The following HACE1 variants were observed in gnomAD, a reference collection of about 807,000 sequenced individuals.
HACE1 encodes HECT domain and ankyrin repeat containing E3 ubiquitin protein ligase 1.
In HACE1, 73 loss-of-function variants were observed where a neutral mutation model predicts 118.4. That is an observed-to-expected ratio of 0.62 (90% CI 0.51 to 0.75). HACE1 has a LOEUF of 0.75. Ranked by LOEUF, HACE1 falls within the 30% of genes least tolerant of loss-of-function variation. HACE1 has a pLI of 0.00. For missense variants in HACE1, 749 were observed against 1,102.2 expected, an observed-to-expected ratio of 0.68 and a Z score of 4.54; for synonymous variants, 368 against 374.8, an observed-to-expected ratio of 0.98 and a Z score of 0.21.
At position 104,739,127 on chromosome 6, in the gene HACE1, T is replaced by C. The variant is rs562491756; in HGVS notation, c.2513+5033A>G. 5.3e-4 allele frequency among the ~76,000 whole-genome samples: 81 copies of C among 152,110 alleles called. 1 individual carries two copies. Among genetic ancestry groups the C allele is most frequent in the Middle Eastern group, 6.8e-3 (2 of 294 alleles). On this transcript the variant is annotated intron_variant, in intron 22 of 23. Transcript: ENST00000262903. Reference sequence around the variant, plus strand: ...ACAGACAAGCAAATGCTGAGAGATTTTGTCACCACCAGGCCTGCCCTAAAA... The same window carrying C: ...ACAGACAAGCAAATGCTGAGAGATTCTGTCACCACCAGGCCTGCCCTAAAA...
intron 22 of HACE1, among the ~76,000 whole-genome samples, chr6:104,738,408 T>A (rs1345225770): frequency 6.8e-6 from 1 of 147,468 alleles, no homozygotes; most frequent in Non-Finnish European, 1.5e-5. Flanking sequence ...GCAAAGAAGT[T>A]GAAAACTTTG....
At chr6:104,741,965 A>C (rs1411912945) in intron 22 of HACE1, among the ~76,000 whole-genome samples, 1 of 151,774 alleles carries the variant, frequency 6.6e-6, no homozygotes, top group African/African-American at 2.4e-5. Context: ...AAACAGAAAT[A>C]TAGATCAATG....
chr6:104,858,383 A>G, intron 1 of HACE1: 1 of 238,880 alleles, frequency 4.2e-6, no homozygotes, highest in Non-Finnish European at 8.6e-6. Context: ...TTCTAAATAG[A>G]GACTAGAGAC....
chr6:104,835,278 G>A (rs554127806), intron 5 of HACE1, among the ~76,000 whole-genome samples: 3 of 152,020 alleles, frequency 2.0e-5, no homozygotes, highest in Non-Finnish European at 2.9e-5. Context: ...TCTGATAAAC[G>A]CATCTAATTT....
chr6:104,824,491 T>C (rs1773105744), intron 6 of HACE1, among the ~76,000 whole-genome samples: 1 of 152,136 alleles, frequency 6.6e-6, no homozygotes, highest in South Asian at 2.1e-4. Flanking sequence ...AAAACTTAGA[T>C]AGATGAAAAT....
chr6:104,746,497 G>A (rs930553441), intron 20 of HACE1, among the ~76,000 whole-genome samples: 1 of 152,182 alleles, frequency 6.6e-6, no homozygotes, highest in Non-Finnish European at 1.5e-5. Flanking sequence ...GGTACTCTCT[G>A]CTCCCCCACT....
At chr6:104,743,570 CT>C (rs1359745807) in intron 22 of HACE1, among the ~76,000 whole-genome samples, 2 of 151,722 alleles carry the variant, frequency 1.3e-5, no homozygotes, top group Non-Finnish European at 1.5e-5. Context: ...GAAAATCAGA[CT>C]TTTTTTACAT....
At chr6:104,769,440 A>G (rs1008921137) in intron 19 of HACE1, among the ~76,000 whole-genome samples, 27 of 152,184 alleles carry the variant, frequency 1.8e-4, no homozygotes, top group African/African-American at 4.6e-4. Flanking sequence ...CTTAATAAAG[A>G]TTCTATGACT....
rs1158292972 is a variant in HACE1 at position 104,728,497 on chromosome 6, A to C, written c.*1165T>G. The C allele has an allele frequency of 1.3e-5, 2 of 152,208 alleles. No individual in the cohort carries two copies. The highest frequency in any genetic ancestry group is 4.8e-5 in the African/African-American group (2 of 41,450). 9.4% of individuals were successfully genotyped at this position (152,208 alleles called of 1,614,324 possible). On this transcript the variant is annotated 3_prime_UTR_variant, in exon 24 of 24. Coordinates refer to ENST00000262903, the MANE Select transcript of HACE1 (RefSeq NM_020771.4). Reference sequence around the variant, plus strand: ...GCTTTATAATTTAGCAAAACTTTCAACTTACATGTCTCTCAAACATTACTG... The same window carrying C: ...GCTTTATAATTTAGCAAAACTTTCACCTTACATGTCTCTCAAACATTACTG...
intron 7 of HACE1, among the ~76,000 whole-genome samples, chr6:104,802,700 G>C (rs1770517753): frequency 6.6e-6 from 1 of 152,296 alleles, no homozygotes; most frequent in Non-Finnish European, 1.5e-5. Context: ...GAATCTCTGG[G>C]ACACATTTAA....
At chr6:104,784,360 A>T (rs374386813) in intron 13 of HACE1, 57 bp downstream of exon 13, 80 of 1,160,644 alleles carry the variant, frequency 6.9e-5, no homozygotes, top group Non-Finnish European at 9.7e-5. Context: ...TTTAGATGAA[A>T]CTGTAAGTAA....
At chr6:104,797,186 T>TTTTGAGTGA (rs1769750458) in intron 7 of HACE1, among the ~76,000 whole-genome samples, 161 bp from the exon 8 acceptor site, 1 of 152,202 alleles carries the variant, frequency 6.6e-6, no homozygotes, top group South Asian at 2.1e-4. Context: ...TTCTCAATGT[T>TTTTGAGTGA]AAGCCATGCT....
At chr6:104,737,503 T>C (rs1366034777) in intron 22 of HACE1, among the ~76,000 whole-genome samples, 3 of 152,068 alleles carry the variant, frequency 2.0e-5, no homozygotes, top group Non-Finnish European at 2.9e-5. Context: ...GGGCGAGGCA[T>C]TGCCTCACTT....
intron 12 of HACE1, 76 bp from the exon 13 acceptor site, chr6:104,784,561 A>C (rs748212749): frequency 1.1e-6 from 1 of 940,510 alleles, no homozygotes; most frequent in Non-Finnish European, 1.7e-6. Context: ...ATAAATATAT[A>C]CTGAACTGGA....
chr6:104,849,663 T>TTC (rs979708126), intron 3 of HACE1, among the ~76,000 whole-genome samples: 5 of 148,890 alleles, frequency 3.4e-5, no homozygotes, highest in African/African-American at 1.2e-4. Flanking sequence ...TTTTTTTTTT[T>TTC]TCTTGAGACA....
At chr6:104,777,463 A>C in intron 14 of HACE1, 146 bp from the exon 15 acceptor site, 1 of 661,984 alleles carries the variant, frequency 1.5e-6, no homozygotes, top group South Asian at 1.7e-5. Context: ...ATGTTTGAAC[A>C]TTTCAATAAC....
intron 7 of HACE1, among the ~76,000 whole-genome samples, chr6:104,805,834 C>A (rs943659694): frequency 6.6e-6 from 1 of 151,770 alleles, no homozygotes; most frequent in Non-Finnish European, 1.5e-5. Flanking sequence ...TGCACATGTA[C>A]CCTGGAACTT....
rs1180827993 is a variant in HACE1 at position 104,857,873 on chromosome 6, C to T, written c.76+1694G>A. 2.9e-4 allele frequency among the ~76,000 whole-genome samples: 44 copies of T among 150,286 alleles called. No individual in the cohort carries two copies. In the Admixed American group the frequency reaches 2.9e-3, roughly 10 times the overall value. On this transcript the variant is annotated intron_variant, in intron 1 of 23. Coordinates refer to ENST00000262903, the MANE Select transcript of HACE1 (RefSeq NM_020771.4). ...TGGGAAGGCTGAGGCAGGAGAATAG[C>T]GTGAACCCCGGAGGCAGAGCTTGCA... is the stretch of plus-strand genomic sequence containing the variant.
At chr6:104,811,262 A>G (rs1448649851) in intron 7 of HACE1, 49 bp downstream of exon 7, 3 of 356,712 alleles carry the variant, frequency 8.4e-6, no homozygotes, top group Non-Finnish European at 1.6e-5. Context: ...ATATATATAT[A>G]TATATATATA....
Sources: allele counts gnomAD v4.1 joint callset (sites outside exome capture counted in the v4.1 genomes callset), GRCh38; gene constraint gnomAD v4.1.1; transcripts MANE v1.5; gene names NCBI Gene and HGNC (gene_info 2026-07-23, HGNC 2026-07-21).